The following LTBP1 variants were observed in gnomAD, a reference collection of about 807,000 sequenced individuals.
LTBP1 encodes latent-transforming growth factor beta-binding protein 1.
Under a neutral mutation model 207.6 loss-of-function variants are expected in LTBP1, and 129 were observed. The ratio of observed to expected loss-of-function variants is 0.62; its 90% confidence interval spans 0.54 to 0.72. The LOEUF is 0.72. Ranked by LOEUF, LTBP1 falls within the 30% of genes least tolerant of loss-of-function variation. The pLI is 0.00. For synonymous variants in LTBP1, 963 were observed against 833.7 expected, an observed-to-expected ratio of 1.16 and a Z score of -2.67; for missense variants, 2,281 against 2,217.2, an observed-to-expected ratio of 1.03 and a Z score of -0.58.
In LTBP1 at chr2:33,245,139, C is replaced by T. The variant is rs1469806171; in HGVS notation, c.1999+1355C>T. 3.3e-5 allele frequency among the ~76,000 whole-genome samples: 5 copies of T among 152,166 alleles called. No individual in the cohort carries two copies. In the South Asian group the frequency reaches 1.0e-3, roughly 31 times the overall value. On this transcript the variant is annotated intron_variant, in intron 10 of 33. Transcript: ENST00000404816. ...AGGTGATCCACCCGCCTCAGCCTCC[C>T]AAAGTGCTGGGATTATAGGTGTGAG...
At chr2:33,380,494 A>G (rs961142865) in intron 31 of LTBP1, among the ~76,000 whole-genome samples, 4 of 152,116 alleles carry the variant, frequency 2.6e-5, no homozygotes, top group Admixed American at 6.6e-5. Context: ...ACTTGAACCC[A>G]GGAAGCAGAG....
In LTBP1 at chr2:33,110,595, T is replaced by G. The variant is rs761860763; in HGVS notation, c.877T>G (p.Ser293Ala). The G allele has an allele frequency of 3.1e-6, 5 of 1,613,348 alleles. No homozygotes were observed. The highest frequency in any genetic ancestry group is 4.2e-6 in the Non-Finnish European group (5 of 1,179,614). Reference sequence around the variant, plus strand: ...GTTTCTTCCCAGAGTGACTCCTCTTTCTTCCCAGAGTGTGGTGATTCACCA... The same window carrying G: ...GTTTCTTCCCAGAGTGACTCCTCTTGCTTCCCAGAGTGTGGTGATTCACCA... ...QQIHSQVTPL[S>A]SQSVVIHHGQ... Residue 293 changes from serine to alanine, a missense_variant, in exon 4 of 34, where the codon TCT (serine) becomes GCT (alanine). Physicochemically the swap from Ser to Ala is moderately conservative, Grantham distance 99. Coordinates refer to ENST00000404816, the MANE Select transcript of LTBP1 (RefSeq NM_206943.4).
intron 3 of LTBP1, among the ~76,000 whole-genome samples, chr2:33,077,045 G>A (rs1172658152): frequency 6.6e-6 from 1 of 152,200 alleles, no homozygotes; most frequent in Non-Finnish European, 1.5e-5. Flanking sequence ...CTAGAGAGGT[G>A]ATATTGCTGT....
chr2:33,202,763 C>T (rs568925754), intron 7 of LTBP1, among the ~76,000 whole-genome samples: 18 of 152,330 alleles, frequency 1.2e-4, no homozygotes, highest in African/African-American at 4.3e-4. Flanking sequence ...TCGCCTAAGG[C>T]CACATGCCCT....
chr2:33,080,587 C>G (rs912596309), intron 3 of LTBP1, among the ~76,000 whole-genome samples: 6 of 152,134 alleles, frequency 3.9e-5, no homozygotes, highest in Non-Finnish European at 8.8e-5. Flanking sequence ...CTGTGAAAGA[C>G]TGTTCTATTT....
chr2:33,255,212 A>C lies in LTBP1; in HGVS notation c.2168-2072A>C, dbSNP rs527899967. On this transcript the variant is annotated intron_variant, in intron 11 of 33. Transcript: ENST00000404816. The stretch of plus-strand genomic sequence containing the variant: ...TTGTTCTTGCGATAGTTTACTGAGA[A>C]TGATGGTTTCCAATTTCATCCATGT... 3.3e-4 allele frequency among the ~76,000 whole-genome samples: 50 copies of C among 151,418 alleles called. 1 individual carries two copies. The highest frequency in any genetic ancestry group is 1.2e-3 in the African/African-American group (49 of 41,202).
In LTBP1 at chr2:33,057,391, G is replaced by T. The variant is rs868696925; in HGVS notation, c.863+36185G>T. Reference sequence around the variant, plus strand: ...CAGTGGGTCTCCCACTGGGGCCGCAGGTCGAGCTGCCTGCCAGTCCCGCGC... The same window carrying T: ...CAGTGGGTCTCCCACTGGGGCCGCATGTCGAGCTGCCTGCCAGTCCCGCGC... On this transcript the variant is annotated intron_variant, in intron 3 of 33. Coordinates refer to ENST00000404816, the MANE Select transcript of LTBP1 (RefSeq NM_206943.4). Among the ~76,000 whole-genome samples, 77 of 152,348 alleles carry T rather than the reference G, an allele frequency of 5.1e-4. No individual in the cohort carries two copies. In the Middle Eastern group the frequency reaches 0.01, roughly 20 times the overall value.
chr2:32,965,635 A>G (rs1336923104), intron 2 of LTBP1, among the ~76,000 whole-genome samples: 1 of 152,178 alleles, frequency 6.6e-6, no homozygotes, highest in Non-Finnish European at 1.5e-5. Context: ...AAGTTCCTCC[A>G]TGTCTTTTCA....
intron 4 of LTBP1, among the ~76,000 whole-genome samples, chr2:33,125,093 C>T (rs907963728): frequency 1.3e-5 from 2 of 152,232 alleles, no homozygotes; most frequent in Non-Finnish European, 2.9e-5. Context: ...GTTTCTCTCT[C>T]CCTCATCCTA....
chr2:33,393,798 TA>T (rs1327645854), intron 32 of LTBP1, among the ~76,000 whole-genome samples: 1 of 152,198 alleles, frequency 6.6e-6, no homozygotes, highest in Non-Finnish European at 1.5e-5. Flanking sequence ...AACCTTTGGG[TA>T]TATACCCAGT....
chr2:33,045,232 T>G (rs1452097549), intron 3 of LTBP1, among the ~76,000 whole-genome samples: 1 of 152,274 alleles, frequency 6.6e-6, no homozygotes, highest in East Asian at 1.9e-4. Context: ...TCTTCTAGGG[T>G]TTTTATGGTT....
At chr2:33,360,878 C>T (rs935926183) in intron 27 of LTBP1, 99 bp downstream of exon 27, 6 of 1,035,172 alleles carry the variant, frequency 5.8e-6, no homozygotes, top group South Asian at 1.5e-5. Context: ...CAACTCAAGG[C>T]GACTTACCTT....
At chr2:33,261,870 G>A (rs2093020679) in intron 13 of LTBP1, among the ~76,000 whole-genome samples, 1 of 152,216 alleles carries the variant, frequency 6.6e-6, no homozygotes, top group Non-Finnish European at 1.5e-5. Context: ...GAGGATAAGA[G>A]GTTAACAGAG....
chr2:33,184,644 T>A (rs1472316215), intron 5 of LTBP1, among the ~76,000 whole-genome samples: 1 of 152,226 alleles, frequency 6.6e-6, no homozygotes, highest in Non-Finnish European at 1.5e-5. Flanking sequence ...TCTGTGTTTT[T>A]AGTTATGTGT....
chr2:33,085,847 C>T (rs576274407), intron 3 of LTBP1, among the ~76,000 whole-genome samples: 30 of 152,232 alleles, frequency 2.0e-4, no homozygotes, highest in Admixed American at 3.9e-4. Context: ...CATGTTCTGG[C>T]CACTGGGTGT....
At chr2:33,207,228 A>G (rs1293165096) in intron 7 of LTBP1, among the ~76,000 whole-genome samples, 1 of 152,116 alleles carries the variant, frequency 6.6e-6, no homozygotes, top group African/African-American at 2.4e-5. Flanking sequence ...GACTTTAAAA[A>G]CCATTTTTGC....
chr2:33,239,216 A>G (rs774924081), intron 9 of LTBP1, among the ~76,000 whole-genome samples: 1 of 152,248 alleles, frequency 6.6e-6, no homozygotes, highest in Non-Finnish European at 1.5e-5. Context: ...TGTTAGCTGT[A>G]GTAGCTTCAT....
At chr2:33,014,378 T>A (rs1688065022) in intron 2 of LTBP1, among the ~76,000 whole-genome samples, 1 of 152,180 alleles carries the variant, frequency 6.6e-6, no homozygotes, top group South Asian at 2.1e-4. Flanking sequence ...GACTAAAATG[T>A]GTGACCTCAT....
intron 7 of LTBP1, among the ~76,000 whole-genome samples, chr2:33,195,316 A>T (rs377304438): frequency 3.9e-4 from 59 of 152,356 alleles, no homozygotes; most frequent in Middle Eastern, 6.8e-3. Context: ...CTTTCTGGAA[A>T]GAGTTTGCCA....
Sources: gnomAD v4.1 joint callset for allele counts (sites outside exome capture counted in the v4.1 genomes callset) on GRCh38, gnomAD v4.1.1 for gene constraint, MANE v1.5 for transcripts, NCBI Gene and HGNC (gene_info 2026-07-23, HGNC 2026-07-21) for gene names.